The following MYT1L variants were observed in gnomAD, a reference collection of about 807,000 sequenced individuals.
The protein encoded by MYT1L is myelin transcription factor 1 like, also known as myelin transcription factor 1-like protein.
In MYT1L, 12 loss-of-function variants were observed where a neutral mutation model predicts 126.7. The observed-to-expected ratio is 0.09, with a 90% CI of 0.06 to 0.15. MYT1L has a LOEUF of 0.15. Ranked by LOEUF, MYT1L falls within the 10% of genes least tolerant of loss-of-function variation. The pLI is 1.00. For missense variants in MYT1L, 979 were observed against 1,585.2 expected (o/e 0.62, Z 6.49); for synonymous variants, 541 against 604.2 (o/e 0.90, Z 1.53).
chr2:2,138,697 G>T (rs2083448873), intron 3 of MYT1L, among the ~76,000 whole-genome samples: 2 of 110,600 alleles, frequency 1.8e-5, no homozygotes, highest in Admixed American at 2.1e-4. Context: ...ACTGTTGTGG[G>T]GTGGGGGGAG....
At chr2:2,248,388 A>G (rs1163743912) in intron 2 of MYT1L, among the ~76,000 whole-genome samples, 2 of 152,136 alleles carry the variant, frequency 1.3e-5, no homozygotes, top group Non-Finnish European at 2.9e-5. Flanking sequence ...GCCGTAGTAA[A>G]AAGTCTAGTA....
intron 4 of MYT1L, among the ~76,000 whole-genome samples, chr2:2,007,983 T>C (rs1315704606): frequency 1.3e-5 from 2 of 152,206 alleles, no homozygotes; most frequent in Non-Finnish European, 2.9e-5. Context: ...TCAGCCATTA[T>C]TCCGGAGGTC....
intron 2 of MYT1L, among the ~76,000 whole-genome samples, chr2:2,261,142 C>T (rs201802781): frequency 6.7e-5 from 10 of 149,204 alleles, no homozygotes; most frequent in South Asian, 2.1e-4. Context: ...TGTGTGAGTG[C>T]GTGTGTGTGT....
At chr2:2,015,813 T>C (rs956958695) in intron 4 of MYT1L, among the ~76,000 whole-genome samples, 1 of 152,208 alleles carries the variant, frequency 6.6e-6, no homozygotes, top group Non-Finnish European at 1.5e-5. Context: ...TCAACAATCC[T>C]GTGAAGTGGC....
intron 4 of MYT1L, among the ~76,000 whole-genome samples, chr2:2,022,774 C>G (rs905461044): frequency 6.6e-6 from 1 of 151,968 alleles, no homozygotes; most frequent in Non-Finnish European, 1.5e-5. Flanking sequence ...TTTATCTTTC[C>G]AAAAACAATG....
chr2:2,202,873 A>G (rs1447258460), intron 2 of MYT1L, among the ~76,000 whole-genome samples: 1 of 152,212 alleles, frequency 6.6e-6, no homozygotes, highest in Non-Finnish European at 1.5e-5. Flanking sequence ...AAAATCCTCA[A>G]TAAAATACTG....
At chr2:2,223,547 G>C (rs1211500465) in intron 2 of MYT1L, among the ~76,000 whole-genome samples, 1 of 152,136 alleles carries the variant, frequency 6.6e-6, no homozygotes, top group Admixed American at 6.5e-5. Flanking sequence ...CGTGGTATTA[G>C]GCACTTCCGA....
At chr2:1,902,615 G>T (rs1487326411) in intron 14 of MYT1L, 4 of 156,144 alleles carry the variant, frequency 2.6e-5, no homozygotes, top group African/African-American at 9.6e-5. Context: ...AATCTCCCCA[G>T]ATGGTTCTCA....
At chr2:2,040,449 C>CTCTG (rs1166266054) in intron 4 of MYT1L, among the ~76,000 whole-genome samples, 3 of 152,188 alleles carry the variant, frequency 2.0e-5, no homozygotes, top group Admixed American at 6.5e-5. Context: ...CAGTGTGAGG[C>CTCTG]TCTGGTGCAG....
intron 21 of MYT1L, among the ~76,000 whole-genome samples, chr2:1,829,565 C>CTT (rs1346928823): frequency 5.7e-5 from 7 of 122,000 alleles, no homozygotes; most frequent in African/African-American, 6.9e-5. Context: ...GTGAACTGAC[C>CTT]CTCCCATGCA....
intron 4 of MYT1L, among the ~76,000 whole-genome samples, chr2:2,002,795 C>T (rs1446994676): frequency 1.3e-5 from 2 of 152,056 alleles, no homozygotes; most frequent in East Asian, 1.9e-4. Context: ...GGGCAGTTTC[C>T]CCCATGCTGT....
intron 2 of MYT1L, among the ~76,000 whole-genome samples, chr2:2,272,338 C>T (rs1008287590): frequency 6.6e-6 from 1 of 152,196 alleles, no homozygotes; most frequent in Non-Finnish European, 1.5e-5. Context: ...ACACTCATGG[C>T]AGGCTCTCCC....
intron 2 of MYT1L, among the ~76,000 whole-genome samples, chr2:2,253,163 G>A (rs61695900): frequency 0.016 from 2,409 of 152,196 alleles, 62 homozygotes; most frequent in African/African-American, 0.056. Context: ...AAAAAGAGAA[G>A]GAAACATCAT....
intron 2 of MYT1L, among the ~76,000 whole-genome samples, chr2:2,205,988 C>CTT (rs34725591): frequency 3.4e-5 from 5 of 145,954 alleles, no homozygotes; most frequent in Admixed American, 6.9e-5. Context: ...TCTTTTCTTT[C>CTT]TTTTTTTTTT....
chr2:2,073,213 T>C (rs2074819030), intron 3 of MYT1L, among the ~76,000 whole-genome samples: 1 of 152,146 alleles, frequency 6.6e-6, no homozygotes, highest in Non-Finnish European at 1.5e-5. Flanking sequence ...ACATTACAGA[T>C]GAATCTTTCT....
rs533006652 is a variant in MYT1L at position 1,813,895 on chromosome 2, C to T, written c.3081-4728G>A. The stretch of plus-strand genomic sequence containing the variant: ...ACAAAAAATTAGCCGGGCGTGGTAG[C>T]GGGCGCCTGTAGTCCCAGCTACTCG... On this transcript the variant is annotated intron_variant, in intron 21 of 24. Coordinates refer to ENST00000647738, the MANE Select transcript of MYT1L (RefSeq NM_001303052.2). Among the ~76,000 whole-genome samples the T allele has an allele frequency of 4.5e-5, 5 of 112,172 alleles. 1 individual carries two copies. The highest frequency in any genetic ancestry group is 2.6e-4 in the East Asian group (1 of 3,774). The allele number at this position is 112,172 out of a possible 152,430, so 73.6% of individuals were successfully genotyped here.
At chr2:1,812,600 G>A (rs2036841873) in intron 21 of MYT1L, among the ~76,000 whole-genome samples, 1 of 152,132 alleles carries the variant, frequency 6.6e-6, no homozygotes, top group Non-Finnish European at 1.5e-5. Context: ...ACTCTTAGCC[G>A]GGCGCGGTGG....
At chr2:1,960,067 G>A (rs564879564) in intron 8 of MYT1L, among the ~76,000 whole-genome samples, 2 of 152,312 alleles carry the variant, frequency 1.3e-5, no homozygotes, top group East Asian at 1.9e-4. Context: ...GTAAGATGGA[G>A]CACACGGGAG....
chr2:2,302,444 A>C (rs2095799527), intron 1 of MYT1L, among the ~76,000 whole-genome samples: 1 of 152,200 alleles, frequency 6.6e-6, no homozygotes, highest in Non-Finnish European at 1.5e-5. Flanking sequence ...ATGTGGGGCC[A>C]CTTTTCCTTT....
Sources: allele counts gnomAD v4.1 joint callset (sites outside exome capture counted in the v4.1 genomes callset), GRCh38; gene constraint gnomAD v4.1.1; transcripts MANE v1.5; gene names NCBI Gene and HGNC (gene_info 2026-07-23, HGNC 2026-07-21).